NCOA3: variants seen among roughly 807,000 people sequenced by gnomAD.
NCOA3 encodes the protein nuclear receptor coactivator 3.
NCOA3 carries 51 observed loss-of-function variants against 158.8 expected under a neutral mutation model. The observed-to-expected ratio is 0.32, with a 90% CI of 0.26 to 0.41. The LOEUF (loss-of-function observed/expected upper bound fraction) is 0.41. NCOA3 is among the 10% of genes least tolerant of loss of function. The probability of loss-of-function intolerance (pLI) is 1.00; values close to 1 mark genes in which losing one functional copy is unlikely to be tolerated. For synonymous variants in NCOA3, 537 were observed against 592.4 expected, an observed-to-expected ratio of 0.91 and a Z score of 1.36; for missense variants, 1,510 against 1,746.6, an observed-to-expected ratio of 0.86 and a Z score of 2.41.
intron 1 of NCOA3, among the ~76,000 whole-genome samples, chr20:47,540,717 T>C (rs67373577): frequency 0.065 from 9,847 of 152,240 alleles, 480 homozygotes; most frequent in Middle Eastern, 0.17. Context: ...GAACTAAACA[T>C]GAAAGATAAC....
chr20:47,650,856 C>A, intron 19 of NCOA3, 126 bp from the exon 20 acceptor site: 1 of 894,640 alleles, frequency 1.1e-6, no homozygotes. Context: ...GAGTGAGACC[C>A]TGTTAAAAAA....
chr20:47,630,164 G>A (rs946400000), intron 8 of NCOA3: 3 of 152,166 alleles, frequency 2.0e-5, no homozygotes, highest in Admixed American at 6.5e-5. Context: ...TTTTGGGCAC[G>A]AGTGCACAGG....
At chr20:47,638,164 C>T (rs2086547153) in intron 13 of NCOA3, among the ~76,000 whole-genome samples, 1 of 152,130 alleles carries the variant, frequency 6.6e-6, no homozygotes, top group Non-Finnish European at 1.5e-5. Flanking sequence ...TTAACAGAAT[C>T]TTGTCATTTA....
chr20:47,583,090 G>A, intron 1 of NCOA3, 93 bp from the exon 2 acceptor site: 2 of 396,794 alleles, frequency 5.0e-6, no homozygotes, highest in South Asian at 1.3e-4. Flanking sequence ...CACCACGCCC[G>A]GCTGGAAGAC....
At chr20:47,650,054 T>G (rs769457778) in intron 19 of NCOA3, among the ~76,000 whole-genome samples, 13 of 152,018 alleles carry the variant, frequency 8.6e-5, no homozygotes, top group Non-Finnish European at 1.6e-4. Flanking sequence ...CCCAACACAC[T>G]GAATCCTCAT....
intron 2 of NCOA3, among the ~76,000 whole-genome samples, chr20:47,595,798 C>T (rs1246494797): frequency 6.6e-6 from 1 of 151,614 alleles, no homozygotes; most frequent in Admixed American, 6.6e-5. Flanking sequence ...GTTTACCTTT[C>T]GATGTCTCAG....
chr20:47,546,377 T>C (rs1602381505), intron 1 of NCOA3, among the ~76,000 whole-genome samples: 1 of 152,318 alleles, frequency 6.6e-6, no homozygotes, highest in Non-Finnish European at 1.5e-5. Context: ...CCTTGTATCC[T>C]GTTAGTAACG....
intron 10 of NCOA3, 78 bp downstream of exon 10, chr20:47,634,273 G>A: frequency 6.9e-7 from 1 of 1,439,588 alleles, no homozygotes. Flanking sequence ...AGTAAAAAGG[G>A]AAGGGATAAA....
intron 1 of NCOA3, among the ~76,000 whole-genome samples, chr20:47,508,618 C>G (rs555151436): frequency 1.3e-5 from 2 of 152,268 alleles, no homozygotes; most frequent in South Asian, 4.1e-4. Context: ...TATTATTTTA[C>G]TTTGAAAGAA....
intron 20 of NCOA3, 100 bp from the exon 21 acceptor site, chr20:47,652,300 TCCACCC>T: frequency 1.1e-6 from 1 of 894,084 alleles, no homozygotes; most frequent in Non-Finnish European, 1.7e-6. Context: ...ATCACTTCCC[TCCACCC>T]CCACCTCCTT....
In NCOA3 at chr20:47,655,933, T is replaced by C. The variant is rs987396849; in HGVS notation, c.*2516T>C. ...GGTGCAAACTCAAGATTTCTTTTAA[T>C]AGGTGCAGTCTTTGAGATAATTTGT... On this transcript the variant is annotated 3_prime_UTR_variant, in exon 23 of 23. Coordinates refer to ENST00000371998, the MANE Select transcript of NCOA3 (RefSeq NM_181659.3). 3 of 152,416 alleles carry C rather than the reference T, an allele frequency of 2.0e-5. No individual in the cohort carries two copies. The highest frequency in any genetic ancestry group is 2.9e-5 in the Non-Finnish European group (2 of 67,978). The allele number at this position is 152,416 out of a possible 1,614,324, so 9.4% of individuals were successfully genotyped here.
At position 47,625,416 on chromosome 20, in the gene NCOA3, G is replaced by C; in HGVS notation, c.292G>C (p.Ala98Pro). 6.2e-7 allele frequency: 1 copy of C among 1,613,704 alleles called. No individual in the cohort carries two copies. The highest frequency in any genetic ancestry group is 8.5e-7 in the Non-Finnish European group (1 of 1,179,790). The change falls in exon 5 of 23, where the codon GCC becomes CCC. Residue 98 changes from alanine to proline, a missense_variant. Physicochemically the swap from Ala to Pro is conservative, Grantham distance 27 (BLOSUM62 -1). Around this residue, in one of 4 missense-constraint regions of NCOA3, gnomAD observed 309 missense variants for 427.1 expected, o/e 0.72. Coordinates refer to ENST00000371998, the MANE Select transcript of NCOA3 (RefSeq NM_181659.3). ...TTCCAATGATGATGATGTTCAAAAA[G>C]CCGATGTATCTTCTACAGGGCAGGG... is the stretch of plus-strand genomic sequence containing the variant. ...TISNDDDVQK[A>P]DVSSTGQGVI...
intron 1 of NCOA3, among the ~76,000 whole-genome samples, chr20:47,505,050 T>C (rs1317276932): frequency 1.2e-5 from 1 of 82,206 alleles, no homozygotes; most frequent in African/African-American, 4.1e-5. Context: ...GCGTTTTTTT[T>C]TTTTCTTTTC....
At chr20:47,610,125 AT>A (rs2086020189) in intron 2 of NCOA3, among the ~76,000 whole-genome samples, 1 of 152,074 alleles carries the variant, frequency 6.6e-6, no homozygotes, top group South Asian at 2.1e-4. Flanking sequence ...CTTATTCATT[AT>A]TTGTATTGTT....
At chr20:47,623,534 T>C (rs765552473) in intron 3 of NCOA3, among the ~76,000 whole-genome samples, 10 of 152,206 alleles carry the variant, frequency 6.6e-5, no homozygotes, top group Non-Finnish European at 1.2e-4. Flanking sequence ...ATGCCTGTAA[T>C]CCCAGCACTC....
At chr20:47,525,079 G>A (rs890454195) in intron 1 of NCOA3, among the ~76,000 whole-genome samples, 1 of 145,838 alleles carries the variant, frequency 6.9e-6, no homozygotes, top group African/African-American at 2.5e-5. Context: ...AGGACCCTGC[G>A]GCCTTCCGCA....
intron 22 of NCOA3, 107 bp from the exon 23 acceptor site, chr20:47,653,299 A>G (rs2086825861): frequency 7.3e-7 from 1 of 1,374,680 alleles, no homozygotes; most frequent in Admixed American, 2.0e-5. Context: ...TCACTCAGCC[A>G]GAGCTGCACT....
Position 47,632,993 on chromosome 20 carries a change from T to C in NCOA3, c.824-503T>C, listed in dbSNP as rs2086447595. 2.6e-5 allele frequency among the ~76,000 whole-genome samples: 4 copies of C among 152,154 alleles called. No homozygotes were observed. The East Asian group carries it at 7.7e-4, about 29-fold the overall frequency. On this transcript the variant is annotated intron_variant, in intron 8 of 22. Transcript: ENST00000371998. ...ACCGTGCTAGGCCAAGAGTTTTTTA[T>C]AGAATTTAATCACCAGGCTCTCCTT...
At chr20:47,511,550 T>TATATATATATATATATATATACACATAC in intron 1 of NCOA3, among the ~76,000 whole-genome samples, 2 of 52,270 alleles carry the variant, frequency 3.8e-5, no homozygotes, top group Non-Finnish European at 8.0e-5. Flanking sequence ...TATATATATA[T>TATATATATATATATATATATACACATAC]ATATATTTCT....
Sources: gnomAD v4.1 joint callset for allele counts (sites outside exome capture counted in the v4.1 genomes callset) on GRCh38, gnomAD v4.1.1 for gene constraint, gnomAD v4.1.1 regional missense constraint, MANE v1.5 for transcripts, NCBI Gene and HGNC (gene_info 2026-07-23, HGNC 2026-07-21) for gene names.